Variants in A1CF observed in about 807,000 individuals in gnomAD.
A1CF encodes the protein APOBEC1 complementation factor.
A1CF carries 48 observed loss-of-function variants against 68.9 expected under a neutral mutation model. That is an observed-to-expected ratio of 0.70 (90% CI 0.55 to 0.89). The LOEUF (loss-of-function observed/expected upper bound fraction) is 0.89, where lower values mean the gene tolerates loss of function less well. A1CF is among the 40% of genes least tolerant of loss of function. A1CF has a pLI of 0.00. For synonymous variants in A1CF, 272 were observed against 260.4 expected, an observed-to-expected ratio of 1.04 and a Z score of -0.43; for missense variants, 653 against 718.9, an observed-to-expected ratio of 0.91 and a Z score of 1.05.
At chr10:50,861,918 CTATA>C (rs1233217428) in intron 2 of A1CF, among the ~76,000 whole-genome samples, 1 of 148,760 alleles carries the variant, frequency 6.7e-6, no homozygotes, top group Non-Finnish European at 1.5e-5. Context: ...TATGCTAATA[CTATA>C]TATATTATGA....
chr10:50,814,842 T>C (rs1838290561), intron 9 of A1CF, among the ~76,000 whole-genome samples: 1 of 152,206 alleles, frequency 6.6e-6, no homozygotes, highest in African/African-American at 2.4e-5. Context: ...GATTGGTTAA[T>C]GAGGTGATTT....
intron 1 of A1CF, among the ~76,000 whole-genome samples, chr10:50,880,599 T>C (rs1383504044): frequency 1.3e-5 from 2 of 152,154 alleles, no homozygotes; most frequent in Non-Finnish European, 2.9e-5. Flanking sequence ...TGGAACCTGA[T>C]TTTGATTTCT....
chr10:50,843,258 A>G (rs1231186950), intron 4 of A1CF, among the ~76,000 whole-genome samples: 2 of 152,194 alleles, frequency 1.3e-5, no homozygotes, highest in Non-Finnish European at 2.9e-5. Context: ...TAAGATTCTT[A>G]CAGAATTAAG....
In A1CF at chr10:50,850,923, C is replaced by A. The variant is rs981681960; in HGVS notation, c.100-6801G>T. 9.7e-6 allele frequency: 12 copies of A among 1,232,106 alleles called. 1 individual carries two copies. The highest frequency in any genetic ancestry group is 7.6e-5 in the African/African-American group (5 of 66,148). The allele number at this position is 1,232,106 out of a possible 1,614,324, so 76.3% of individuals were successfully genotyped here. On this transcript the variant is annotated intron_variant, in intron 3 of 12. Transcript: ENST00000373997. ...CCCATCTAACTTTTTTGTTTACTTA[C>A]AATTTGCCTTTTTGAATTAACTATT... is the stretch of plus-strand genomic sequence containing the variant.
chr10:50,801,454 T>C lies in A1CF; in HGVS notation c.*5275A>G, dbSNP rs1837597762. The C allele has an allele frequency of 6.6e-6, 1 of 152,048 alleles. No individual in the cohort carries two copies. Among genetic ancestry groups the C allele is most frequent in the Non-Finnish European group, 1.5e-5 (1 of 68,036 alleles). The allele number at this position is 152,048 out of a possible 1,614,324, so 9.4% of individuals were successfully genotyped here. A position where few individuals can be genotyped will look rare whatever the true frequency, so the allele number is the denominator to read the frequency against. Reference sequence around the variant, plus strand: ...ATTTGTTGTCTAAACTGGGACACGTTTGGAAATAAGAGGGATCATTGTTAA... The same window carrying C: ...ATTTGTTGTCTAAACTGGGACACGTCTGGAAATAAGAGGGATCATTGTTAA... On this transcript the variant is annotated 3_prime_UTR_variant, in exon 13 of 13. Coordinates refer to ENST00000373997, the MANE Select transcript of A1CF (RefSeq NM_014576.4).
intron 3 of A1CF, among the ~76,000 whole-genome samples, chr10:50,847,531 C>T (rs1351566978): frequency 6.6e-6 from 1 of 152,168 alleles, no homozygotes; most frequent in Non-Finnish European, 1.5e-5. Context: ...AAACCTTCCT[C>T]AATAAATCAT....
intron 3 of A1CF, among the ~76,000 whole-genome samples, chr10:50,845,543 A>T (rs1305652528): frequency 1.3e-5 from 2 of 152,186 alleles, no homozygotes; most frequent in African/African-American, 2.4e-5. Flanking sequence ...CATGGTTGGG[A>T]AGTGGAGAAG....
chr10:50,839,245 A>G (rs1839662200), intron 5 of A1CF, among the ~76,000 whole-genome samples: 1 of 152,204 alleles, frequency 6.6e-6, no homozygotes, highest in African/African-American at 2.4e-5. Flanking sequence ...TGTTAAGTAG[A>G]TACAGTAAAT....
At chr10:50,842,741 G>A (rs185814824) in intron 4 of A1CF, among the ~76,000 whole-genome samples, 10 of 152,158 alleles carry the variant, frequency 6.6e-5, no homozygotes, top group Non-Finnish European at 1.0e-4. Flanking sequence ...ATGCTCATTC[G>A]CCAAACTAAC....
At position 50,836,094 on chromosome 10, in the gene A1CF, G is replaced by A. The variant is rs748398755; in HGVS notation, c.584C>T (p.Ala195Val). 8.1e-6 allele frequency: 13 copies of A among 1,610,580 alleles called. No homozygotes were observed. Among genetic ancestry groups the A allele is most frequent in the East Asian group, 4.5e-5 (2 of 44,776 alleles). ...EYESHRAAAM[A>V]RRKLLPGRIQ... ...CTAACCTGGTAGCAGTTTCCTCCTCGCCATGGCAGCTGCTCGATGACTCTC... is the reference window on the plus strand; with the variant it reads ...CTAACCTGGTAGCAGTTTCCTCCTCACCATGGCAGCTGCTCGATGACTCTC... The change falls in exon 6 of 13, where the codon GCG (alanine) becomes GTG (valine). Residue 195 changes from alanine (A) to valine (V), a missense_variant. Transcript: ENST00000373997.
chr10:50,836,153 T>A lies in A1CF; in HGVS notation c.525A>T (p.Lys175Asn), dbSNP rs1174296917. 6.2e-7 allele frequency: 1 copy of A among 1,614,010 alleles called. No individual in the cohort carries two copies. The highest frequency in any genetic ancestry group is 1.7e-5 in the Admixed American group (1 of 60,008). Residue 175 changes from lysine to asparagine, a missense_variant, in exon 6 of 13, where the codon AAA becomes AAT. Coordinates refer to ENST00000373997, the MANE Select transcript of A1CF (RefSeq NM_014576.4). ...DVIVYPSAAD[K>N]TKNRGFAFVE... is the part of the protein sequence containing the mutation. ...CGAAGGCAAAGCCTCGGTTTTTGGT[T>A]TTATCTGCAGCGCTTGGGTAGACGA... is the stretch of plus-strand genomic sequence containing the variant.
intron 4 of A1CF, 23 bp downstream of exon 4, chr10:50,843,965 T>A (rs753281352): frequency 5.6e-6 from 9 of 1,611,666 alleles, no homozygotes; most frequent in Admixed American, 1.7e-5. Flanking sequence ...ATAAGAAAAA[T>A]TAAATGTTAA....
Position 50,859,972 on chromosome 10 carries a change from A to C in A1CF, c.-32T>G. ...TGATTATCAGCAAAAAATCAGGTTA[A>C]TTAGGGTTGCTCACTGAAACCAAAT... On this transcript the variant is annotated 5_prime_UTR_variant, in exon 3 of 13. Transcript: ENST00000373997. 1 of 1,591,154 alleles carries C rather than the reference A, an allele frequency of 6.3e-7. No individual in the cohort carries two copies. The highest frequency in any genetic ancestry group is 8.6e-7 in the Non-Finnish European group (1 of 1,160,104).
chr10:50,857,980 G>C, intron 3 of A1CF, among the ~76,000 whole-genome samples: 1 of 152,282 alleles, frequency 6.6e-6, no homozygotes, highest in Admixed American at 6.5e-5. Context: ...GCCCAATGAA[G>C]GTAGCTCAGT....
At chr10:50,823,728 T>G (rs2132371187) in intron 7 of A1CF, 1 of 152,284 alleles carries the variant, frequency 6.6e-6, no homozygotes. Flanking sequence ...GCAGATACCC[T>G]TAGGCTACAG....
At chr10:50,835,958 A>C in intron 6 of A1CF, 116 bp downstream of exon 6, 1 of 991,236 alleles carries the variant, frequency 1.0e-6, no homozygotes, top group East Asian at 2.5e-5. Context: ...AAGGATAAAA[A>C]ATTTAAAATA....
chr10:50,863,121 A>G (rs983414451), intron 2 of A1CF: 2 of 152,220 alleles, frequency 1.3e-5, no homozygotes, highest in African/African-American at 2.4e-5. Context: ...GAAAATCTGT[A>G]TAATATCTCA....
chr10:50,856,903 T>C (rs1840502908), intron 3 of A1CF, among the ~76,000 whole-genome samples: 1 of 152,144 alleles, frequency 6.6e-6, no homozygotes, highest in Admixed American at 6.5e-5. Flanking sequence ...TTTTATATGT[T>C]AACATTTTCA....
At chr10:50,864,525 G>T (rs937741809) in intron 1 of A1CF, among the ~76,000 whole-genome samples, 2 of 147,806 alleles carry the variant, frequency 1.4e-5, no homozygotes, top group Non-Finnish European at 3.0e-5. Flanking sequence ...GAGTCTTCTT[G>T]TCCTCTCAGA....
Sources: allele counts gnomAD v4.1 joint callset (sites outside exome capture counted in the v4.1 genomes callset), GRCh38; gene constraint gnomAD v4.1.1; transcripts MANE v1.5; gene names NCBI Gene and HGNC (gene_info 2026-07-23, HGNC 2026-07-21).